The following GTF3C3 variants were observed in gnomAD, a reference collection of about 807,000 sequenced individuals.
GTF3C3 encodes the protein general transcription factor 3C polypeptide 3.
A neutral mutation model predicts 105.2 loss-of-function variants in GTF3C3; 75 were observed. The observed-to-expected ratio is 0.71, with a 90% CI of 0.59 to 0.86. The LOEUF is 0.86. GTF3C3 is among the 40% of genes least tolerant of loss of function. GTF3C3 has a pLI of 0.00. For missense variants in GTF3C3, 856 were observed against 1,076.5 expected, an observed-to-expected ratio of 0.80 and a Z score of 2.87; for synonymous variants, 335 against 370.4, an observed-to-expected ratio of 0.90 and a Z score of 1.10.
chr2:196,781,342 GAAAAAA>G (rs769914255), intron 8 of GTF3C3, among the ~76,000 whole-genome samples: 2 of 31,452 alleles, frequency 6.4e-5, no homozygotes, highest in Admixed American at 5.1e-4. Flanking sequence ...ATGTTAAGGG[GAAAAAA>G]AAAAAAAAAA....
intron 13 of GTF3C3, among the ~76,000 whole-genome samples, chr2:196,774,361 T>C (rs1161860381): frequency 6.6e-6 from 1 of 152,226 alleles, no homozygotes; most frequent in African/African-American, 2.4e-5. Context: ...ATTCCTTAAA[T>C]ATAACTATGA....
At chr2:196,764,788 G>A in intron 17 of GTF3C3, 103 bp from the exon 18 acceptor site, 1 of 1,022,264 alleles carries the variant, frequency 9.8e-7, no homozygotes, top group South Asian at 1.7e-5. Flanking sequence ...GTTTTCAAAA[G>A]GTATTAAAGC....
chr2:196,785,153 T>A (rs995071451), intron 7 of GTF3C3, among the ~76,000 whole-genome samples: 4 of 152,144 alleles, frequency 2.6e-5, no homozygotes, highest in Admixed American at 2.0e-4. Context: ...ACCAACCTAC[T>A]TTCCCCCAAC....
chr2:196,781,918 G>A (rs1351973057), intron 8 of GTF3C3, among the ~76,000 whole-genome samples: 2 of 152,184 alleles, frequency 1.3e-5, no homozygotes, highest in Non-Finnish European at 2.9e-5. Context: ...TCACCTGTCT[G>A]AGTAAGGACT....
At chr2:196,774,698 C>G (rs1020242882) in intron 13 of GTF3C3, among the ~76,000 whole-genome samples, 1 of 152,130 alleles carries the variant, frequency 6.6e-6, no homozygotes, top group African/African-American at 2.4e-5. Context: ...TTACTTGAGA[C>G]TAGGTCACAG....
intron 6 of GTF3C3, among the ~76,000 whole-genome samples, chr2:196,787,545 C>T (rs1699472791): frequency 6.6e-6 from 1 of 152,114 alleles, no homozygotes; most frequent in Non-Finnish European, 1.5e-5. Flanking sequence ...TATCTGTTCT[C>T]GTACCTACTT....
chr2:196,774,569 C>G (rs1699229927), intron 13 of GTF3C3, among the ~76,000 whole-genome samples: 1 of 152,140 alleles, frequency 6.6e-6, no homozygotes, highest in Non-Finnish European at 1.5e-5. Flanking sequence ...CCATGGACCT[C>G]CAGTGAGGAA....
chr2:196,781,358 ATATATATATATATATAT>A (rs1350812323), intron 8 of GTF3C3, among the ~76,000 whole-genome samples: 3 of 31,898 alleles, frequency 9.4e-5, no homozygotes, highest in African/African-American at 4.1e-4. Flanking sequence ...AAAAAAAAAA[ATATATATATATATATAT>A]ATATATATAT....
At chr2:196,775,308 C>T in intron 12 of GTF3C3, 57 bp from the exon 13 acceptor site, 1 of 1,500,070 alleles carries the variant, frequency 6.7e-7, no homozygotes, top group Non-Finnish European at 9.0e-7. Context: ...TGTTTAGAGA[C>T]AAAGTCTTGT....
chr2:196,786,211 A>C lies in GTF3C3; in HGVS notation c.894-623T>G, dbSNP rs1030737682. On this transcript the variant is annotated intron_variant, in intron 6 of 17. Transcript: ENST00000263956. This position sits in a 1 kb window ranked among gnomAD's most constrained non-coding sequence, Gnocchi z 4.2. ...CAAACCTAAATAAGCCTATGGACCA[A>C]CTGGCTATCTTGTAAAAACGCATAT... Among the ~76,000 whole-genome samples the C allele has an allele frequency of 3.3e-5, 5 of 152,136 alleles. No individual in the cohort carries two copies. The highest frequency in any genetic ancestry group is 3.3e-4 in the Admixed American group (5 of 15,266).
rs1553578901 is a variant in GTF3C3, at chr2:196,781,357, AATATATATAT to A, written c.1115-705_1115-696del. Reference sequence around the variant, plus strand: ...ATGTTAAGGGGAAAAAAAAAAAAAAAATATATATATATATATATATATATATATATAAAAT... The same window carrying A: ...ATGTTAAGGGGAAAAAAAAAAAAAAAATATATATATATATATATATAAAAT... On this transcript the variant is annotated intron_variant, in intron 8 of 17. Transcript: ENST00000263956. Among the ~76,000 whole-genome samples the A allele has an allele frequency of 7.9e-3, 148 of 18,836 alleles. 6 individuals are homozygous for A. In the Admixed American group the frequency reaches 0.13, roughly 17 times the overall value. The allele number at this position is 18,836 out of a possible 152,430, so 12.4% of individuals were successfully genotyped here. A position where few individuals can be genotyped will look rare whatever the true frequency, so the allele number is the denominator to read the frequency against.
chr2:196,780,284 A>G (rs1290419836), intron 9 of GTF3C3: 5 of 1,034,378 alleles, frequency 4.8e-6, no homozygotes, highest in South Asian at 4.3e-5. Flanking sequence ...ATTATTACCA[A>G]TTATCTAATG....
intron 16 of GTF3C3, 56 bp downstream of exon 16, chr2:196,769,859 G>A (rs1699141306): frequency 2.1e-6 from 3 of 1,420,890 alleles, no homozygotes; most frequent in Non-Finnish European, 2.0e-6. Flanking sequence ...AAAGTATTAA[G>A]TATATTCATT....
chr2:196,780,715 A>G (rs1699335189), intron 8 of GTF3C3, 53 bp from the exon 9 acceptor site: 1 of 1,569,618 alleles, frequency 6.4e-7, no homozygotes, highest in Admixed American at 1.8e-5. Flanking sequence ...TGAGATGTGT[A>G]TCTTCTATGT....
chr2:196,777,415 C>A (rs1699277903), intron 10 of GTF3C3, among the ~76,000 whole-genome samples: 2 of 152,162 alleles, frequency 1.3e-5, no homozygotes, highest in Admixed American at 1.3e-4. Flanking sequence ...AAACTTTACA[C>A]CCAATCAGTC....
intron 13 of GTF3C3, chr2:196,773,555 T>C: frequency 3.3e-6 from 1 of 298,636 alleles, no homozygotes; most frequent in South Asian, 3.1e-5. Context: ...AATTTTTCCA[T>C]GGGCCAGGGC....
At chr2:196,781,357 A>AAAAATAT in intron 8 of GTF3C3, among the ~76,000 whole-genome samples, 12 of 18,814 alleles carry the variant, frequency 6.4e-4, no homozygotes, top group African/African-American at 8.3e-4. Context: ...AAAAAAAAAA[A>AAAAATAT]ATATATATAT....
Position 196,771,822 on chromosome 2 carries a change from T to G in GTF3C3, c.2186A>C (p.Asn729Thr), listed in dbSNP as rs761806233. 24 of 1,612,806 alleles carry G rather than the reference T, an allele frequency of 1.5e-5. No individual in the cohort carries two copies. Among genetic ancestry groups the G allele is most frequent in the Non-Finnish European group, 1.8e-5 (21 of 1,178,974 alleles). Residue 729 changes from asparagine (N) to threonine (T), a missense_variant, in exon 15 of 18, where the codon AAC becomes ACC. Coordinates refer to ENST00000263956, the MANE Select transcript of GTF3C3 (RefSeq NM_012086.5). ...GACACATAGGGCATGATTTTCTGGG[T>G]TTTTCAGCATCAAACGGAGACAGAA... is the stretch of plus-strand genomic sequence containing the variant. ...HRFCLRLMLK[N>T]PENHALCVLN...
chr2:196,768,506 T>C (rs1255828078), intron 16 of GTF3C3, among the ~76,000 whole-genome samples: 1 of 152,050 alleles, frequency 6.6e-6, no homozygotes, highest in East Asian at 1.9e-4. Flanking sequence ...AGAAAGATAA[T>C]AAACCATAAA....
Sources: allele counts gnomAD v4.1 joint callset (sites outside exome capture counted in the v4.1 genomes callset), GRCh38; gene constraint gnomAD v4.1.1; non-coding constraint Gnocchi (gnomAD v3.1); transcripts MANE v1.5; gene names NCBI Gene and HGNC (gene_info 2026-07-23, HGNC 2026-07-21).